Variants in ADAMTS9 observed in about 807,000 individuals in gnomAD.
ADAMTS9 encodes the protein ADAM metallopeptidase with thrombospondin type 1 motif 9, also known as A disintegrin and metalloproteinase with thrombospondin motifs 9.
In ADAMTS9, 107 loss-of-function variants were observed where a neutral mutation model predicts 257.1. That is an observed-to-expected ratio of 0.42 (90% CI 0.36 to 0.49). The LOEUF (loss-of-function observed/expected upper bound fraction) is 0.49. ADAMTS9 is among the 20% of genes least tolerant of loss of function. ADAMTS9 has a pLI of 0.03. For synonymous variants in ADAMTS9, 982 were observed against 880.9 expected (o/e 1.11, Z -2.03); for missense variants, 2,353 against 2,469.1 (o/e 0.95, Z 1.00).
chr3:64,596,616 A>C (rs897795546), intron 27 of ADAMTS9, among the ~76,000 whole-genome samples: 2 of 152,172 alleles, frequency 1.3e-5, no homozygotes, highest in African/African-American at 4.8e-5. Context: ...ATTCTCACCT[A>C]ATTTTCCTCA....
chr3:64,521,347 C>T (rs1053571786), intron 39 of ADAMTS9: 1 of 152,090 alleles, frequency 6.6e-6, no homozygotes, highest in Non-Finnish European at 1.5e-5. Context: ...GTTGGTGGGA[C>T]TGTAAATTAG....
intron 36 of ADAMTS9, among the ~76,000 whole-genome samples, chr3:64,540,892 G>A (rs1438016610): frequency 6.6e-6 from 1 of 152,206 alleles, no homozygotes; most frequent in Non-Finnish European, 1.5e-5. Context: ...GGGGAATACA[G>A]CAGTGAACAA....
chr3:64,559,988 G>A (rs62247578), intron 30 of ADAMTS9, among the ~76,000 whole-genome samples: 8,499 of 152,268 alleles, frequency 0.056, 264 homozygotes, highest in Non-Finnish European at 0.071. Context: ...GGGGGAGAGC[G>A]AGAGAGATGA....
At chr3:64,550,780 C>T (rs544146945) in intron 31 of ADAMTS9, 112 bp downstream of exon 31, 78 of 1,352,354 alleles carry the variant, frequency 5.8e-5, no homozygotes, top group Middle Eastern at 1.9e-4. Flanking sequence ...AGTGGCAAAT[C>T]GGGCGGGTAG....
At chr3:64,685,794 G>C (rs572690119) in intron 2 of ADAMTS9, among the ~76,000 whole-genome samples, 2 of 152,218 alleles carry the variant, frequency 1.3e-5, no homozygotes, top group African/African-American at 4.8e-5. Context: ...AGAAACCCCA[G>C]AGGAACCGAA....
At chr3:64,588,711 A>T (rs911673924) in intron 28 of ADAMTS9, 1 of 152,184 alleles carries the variant, frequency 6.6e-6, no homozygotes, top group South Asian at 2.1e-4. Flanking sequence ...TTTTAAATCC[A>T]TGAAAATAGA....
chr3:64,622,987 C>T (rs1010957394), intron 16 of ADAMTS9, among the ~76,000 whole-genome samples: 6 of 152,122 alleles, frequency 3.9e-5, no homozygotes, highest in Admixed American at 3.9e-4. Flanking sequence ...GGTTCCTAGA[C>T]AAATCTATAT....
intron 12 of ADAMTS9, among the ~76,000 whole-genome samples, chr3:64,634,197 G>T (rs9869475): frequency 6.6e-6 from 1 of 151,942 alleles, no homozygotes; most frequent in South Asian, 2.1e-4. Flanking sequence ...GCCTGAATCT[G>T]AATCTATTAG....
intron 19 of ADAMTS9, among the ~76,000 whole-genome samples, chr3:64,619,148 C>T (rs572059657): frequency 2.2e-4 from 34 of 152,132 alleles, no homozygotes; most frequent in African/African-American, 8.2e-4. Flanking sequence ...ATAAATCCAC[C>T]ATCTGTGCGA....
At chr3:64,628,866 T>A (rs920137478) in intron 16 of ADAMTS9, among the ~76,000 whole-genome samples, 1 of 152,176 alleles carries the variant, frequency 6.6e-6, no homozygotes, top group African/African-American at 2.4e-5. Context: ...AGGCTTCATA[T>A]CAGTAGCTGA....
intron 3 of ADAMTS9, among the ~76,000 whole-genome samples, chr3:64,661,384 CA>C (rs1701218264): frequency 6.6e-6 from 1 of 152,166 alleles, no homozygotes; most frequent in Non-Finnish European, 1.5e-5. Context: ...AGATATTAAA[CA>C]AGCACCTACT....
intron 28 of ADAMTS9, among the ~76,000 whole-genome samples, chr3:64,585,117 T>C (rs2084114982): frequency 6.6e-6 from 1 of 152,154 alleles, no homozygotes; most frequent in South Asian, 2.1e-4. Context: ...GTGGGTTTCA[T>C]TAGGCAGAAG....
intron 39 of ADAMTS9, among the ~76,000 whole-genome samples, chr3:64,520,448 A>G (rs1025721773): frequency 6.6e-6 from 1 of 152,188 alleles, no homozygotes; most frequent in Non-Finnish European, 1.5e-5. Context: ...CTATTCTAAA[A>G]TTGATATGGA....
Position 64,601,870 on chromosome 3 carries a change from G to T in ADAMTS9, c.4017+74C>A, listed in dbSNP as rs140652661. On this transcript the variant is annotated intron_variant, in intron 26 of 39. Coordinates refer to ENST00000498707, the MANE Select transcript of ADAMTS9 (RefSeq NM_182920.2). Reference sequence around the variant, plus strand: ...GTAAAGAAAAAAATATGCTCTAAAGGTGTTTCTAGTCTCTTTTACCCTAAA... The same window carrying T: ...GTAAAGAAAAAAATATGCTCTAAAGTTGTTTCTAGTCTCTTTTACCCTAAA... The T allele has an allele frequency of 5.7e-4, 844 of 1,490,206 alleles. 4 individuals carry two copies. The African/African-American group carries it at 0.01, about 18-fold the overall frequency. 92.3% of individuals were successfully genotyped at this position (1,490,206 alleles called of 1,614,324 possible).
rs767401084 is a variant in ADAMTS9 at position 64,681,377 on chromosome 3, G to C, written c.517-14C>G. The C allele has an allele frequency of 6.2e-7, 1 of 1,600,976 alleles. No homozygotes were observed. Among genetic ancestry groups the C allele is most frequent in the South Asian group, 1.1e-5 (1 of 88,616 alleles). On this transcript the variant is annotated splice_polypyrimidine_tract_variant and intron_variant, in intron 2 of 39. Transcript: ENST00000498707. ...GAATGTGCCCAGCTGCAAATGAAGA[G>C]AGATGGGAGGTTGATTTAACGTAAC...
intron 38 of ADAMTS9, among the ~76,000 whole-genome samples, chr3:64,532,038 T>C (rs2028640): frequency 0.96 from 145,669 of 152,280 alleles, 69,756 homozygotes; most frequent in East Asian, 1. Context: ...CCCCCACCCT[T>C]AGAGATTCCG....
intron 30 of ADAMTS9, 147 bp downstream of exon 30, chr3:64,561,431 G>A (rs1303418972): frequency 2.5e-6 from 2 of 791,432 alleles, no homozygotes; most frequent in Admixed American, 3.4e-5. Context: ...GAGCGAATGC[G>A]CGAGTCTGAC....
intron 12 of ADAMTS9, among the ~76,000 whole-genome samples, chr3:64,637,209 T>A (rs1184610946): frequency 2.6e-5 from 4 of 152,226 alleles, no homozygotes; most frequent in Non-Finnish European, 5.9e-5. Flanking sequence ...AGAGAAAGCT[T>A]CAGCCAACCA....
chr3:64,620,979 G>C (rs1700089201), intron 19 of ADAMTS9, 135 bp downstream of exon 19: 2 of 1,140,096 alleles, frequency 1.8e-6, no homozygotes, highest in South Asian at 3.3e-5. Context: ...TGGAGAATTG[G>C]TTAAAGCTTA....
Sources: allele counts gnomAD v4.1 joint callset (sites outside exome capture counted in the v4.1 genomes callset), GRCh38; gene constraint gnomAD v4.1.1; transcripts MANE v1.5; gene names NCBI Gene and HGNC (gene_info 2026-07-23, HGNC 2026-07-21).